The following RANBP17 variants were observed in gnomAD, a reference collection of about 807,000 sequenced individuals.
The protein encoded by RANBP17 is RAN binding protein 17.
In RANBP17, 158 loss-of-function variants were observed where a neutral mutation model predicts 141.2. That is an observed-to-expected ratio of 1.12 (90% CI 0.98 to 1.28). The LOEUF is 1.28. Ranked by LOEUF, RANBP17 falls within the 50% of genes most tolerant of loss-of-function variation. The pLI is 0.00. For missense variants in RANBP17, 1,438 were observed against 1,290.7 expected (o/e 1.11, Z -1.75); for synonymous variants, 430 against 450.0 (o/e 0.96, Z 0.56).
intron 11 of RANBP17, among the ~76,000 whole-genome samples, chr5:170,922,929 C>G (rs1279757507): frequency 6.6e-6 from 1 of 152,184 alleles, no homozygotes; most frequent in African/African-American, 2.4e-5. Context: ...CAGACCAGAG[C>G]TGTTCCTATT....
chr5:171,181,646 A>ATGGT (rs959191961), intron 16 of RANBP17, among the ~76,000 whole-genome samples: 2 of 152,218 alleles, frequency 1.3e-5, no homozygotes, highest in African/African-American at 4.8e-5. Flanking sequence ...TGCAACTGGA[A>ATGGT]TGGTTGCTTT....
intron 25 of RANBP17, among the ~76,000 whole-genome samples, chr5:171,281,075 C>G (rs1767832171): frequency 6.6e-6 from 1 of 152,196 alleles, no homozygotes; most frequent in Admixed American, 6.5e-5. Context: ...AACTGAACCA[C>G]TCCCTCCTGT....
chr5:171,079,309 TG>T (rs1465489502), intron 14 of RANBP17, among the ~76,000 whole-genome samples: 1 of 152,202 alleles, frequency 6.6e-6, no homozygotes, highest in Admixed American at 6.5e-5. Flanking sequence ...ACAAATAAAA[TG>T]GTATCTTGAG....
chr5:171,277,637 G>GTATGTATATGTGTATATA (rs1554127913), intron 25 of RANBP17, among the ~76,000 whole-genome samples: 2 of 56,904 alleles, frequency 3.5e-5, no homozygotes, highest in Non-Finnish European at 6.7e-5. Flanking sequence ...ATATATGTAT[G>GTATGTATATGTGTATATA]TATATATATA....
intron 3 of RANBP17, among the ~76,000 whole-genome samples, chr5:170,883,037 G>C (rs1485303286): frequency 6.6e-6 from 1 of 152,072 alleles, no homozygotes; most frequent in Non-Finnish European, 1.5e-5. Context: ...AATTTGACTG[G>C]TCAAAATCTC....
chr5:171,085,053 A>G lies in RANBP17; in HGVS notation c.1711-85077A>G, dbSNP rs1475433571. Among the ~76,000 whole-genome samples the G allele has an allele frequency of 8.2e-3, 466 of 57,150 alleles. 10 individuals carry two copies. The highest frequency in any genetic ancestry group is 0.03 in the African/African-American group (441 of 14,730). 37.5% of individuals were successfully genotyped at this position (57,150 alleles called of 152,430 possible). A position where few individuals can be genotyped will look rare whatever the true frequency, so the allele number is the denominator to read the frequency against. ...GTCCTTGCCCATGCCTATGTCCTGA[A>G]TGGTAATGCCTAGGTTTTCTTCTAG... On this transcript the variant is annotated intron_variant, in intron 14 of 27. Coordinates refer to ENST00000523189, the MANE Select transcript of RANBP17 (RefSeq NM_022897.5).
At chr5:171,101,903 A>G (rs1246983736) in intron 14 of RANBP17, among the ~76,000 whole-genome samples, 1 of 152,198 alleles carries the variant, frequency 6.6e-6, no homozygotes. Flanking sequence ...CTTTTCTTGA[A>G]GAATGTTGAA....
At chr5:170,875,911 C>G (rs1768139926) in intron 1 of RANBP17, among the ~76,000 whole-genome samples, 1 of 152,188 alleles carries the variant, frequency 6.6e-6, no homozygotes, top group South Asian at 2.1e-4. Context: ...AGGCTGCTCA[C>G]CCTTGGATGA....
intron 14 of RANBP17, among the ~76,000 whole-genome samples, chr5:171,127,473 G>A (rs1756564004): frequency 6.6e-6 from 1 of 152,020 alleles, no homozygotes; most frequent in Non-Finnish European, 1.5e-5. Flanking sequence ...CATCTGACAA[G>A]TTACTTATAT....
At chr5:171,015,742 C>G (rs1370453900) in intron 14 of RANBP17, among the ~76,000 whole-genome samples, 4 of 152,038 alleles carry the variant, frequency 2.6e-5, no homozygotes, top group African/African-American at 4.8e-5. Context: ...TGCTTTTAAA[C>G]TTTATTATGC....
chr5:170,919,462 A>G lies in RANBP17; in HGVS notation c.1123A>G (p.Ser375Gly). ...SLQHWEFAPN[S>G]VHYLLTLWQR... ...GTAGCACTGGGAATTTGCTCCTAAC[A>G]GTGTTCATTATTTATTAACTCTGTG... The change falls in exon 11 of 28, where the codon AGT becomes GGT. Residue 375 changes from serine to glycine, a missense_variant. Transcript: ENST00000523189. 1 of 1,598,222 alleles carries G rather than the reference A, an allele frequency of 6.3e-7. No homozygotes were observed. Among genetic ancestry groups the G allele is most frequent in the South Asian group, 1.1e-5 (1 of 87,528 alleles).
At chr5:171,245,713 G>A (rs1222948549) in intron 24 of RANBP17, among the ~76,000 whole-genome samples, 1 of 152,062 alleles carries the variant, frequency 6.6e-6, no homozygotes, top group Non-Finnish European at 1.5e-5. Context: ...TCTTATTTTG[G>A]AGTAACTGGG....
rs1001710380 is a variant in RANBP17 at position 171,089,279 on chromosome 5, C to CG, written c.1711-80848dup. ...TCCCAGTTAGGCTGCTCGGGGGTCA[C>CG]GGGTCAGGGACCCACTTGAGGAGGC... On this transcript the variant is annotated intron_variant, in intron 14 of 27. Coordinates refer to ENST00000523189, the MANE Select transcript of RANBP17 (RefSeq NM_022897.5). Among the ~76,000 whole-genome samples the CG allele has an allele frequency of 3.6e-5, 3 of 83,410 alleles. 1 individual carries two copies. Among genetic ancestry groups the CG allele is most frequent in the Non-Finnish European group, 5.8e-5 (2 of 34,198 alleles). 54.7% of individuals were successfully genotyped at this position (83,410 alleles called of 152,430 possible).
chr5:170,966,136 C>A (rs1373577695), intron 13 of RANBP17, among the ~76,000 whole-genome samples: 1 of 151,946 alleles, frequency 6.6e-6, no homozygotes, highest in Non-Finnish European at 1.5e-5. Context: ...TGGTACCATT[C>A]CTTCTGAAAC....
At chr5:170,967,561 T>C (rs947068074) in intron 13 of RANBP17, among the ~76,000 whole-genome samples, 1 of 151,464 alleles carries the variant, frequency 6.6e-6, no homozygotes, top group African/African-American at 2.4e-5. Flanking sequence ...TGAATTAAGC[T>C]TTTTCTGTAG....
intron 5 of RANBP17, chr5:170,903,498 G>A (rs371622909): frequency 2.3e-4 from 41 of 181,822 alleles, no homozygotes; most frequent in African/African-American, 8.8e-4. Context: ...GAACGCTTAC[G>A]TCTTGCTGGC....
intron 12 of RANBP17, among the ~76,000 whole-genome samples, chr5:170,942,416 T>C (rs1561914344): frequency 2.0e-5 from 3 of 152,128 alleles, no homozygotes; most frequent in Admixed American, 6.6e-5. Flanking sequence ...TATACAATAT[T>C]ATATAAAAAA....
Position 171,060,481 on chromosome 5 carries a change from A to G in RANBP17, c.1710+92104A>G, listed in dbSNP as rs1240446944. On this transcript the variant is annotated intron_variant, in intron 14 of 27. Coordinates refer to ENST00000523189, the MANE Select transcript of RANBP17 (RefSeq NM_022897.5). ...GGATTACATTTATTGATTTGCATAT[A>G]TTGAACCAGCCTTGCATCCCAGGGA... Among the ~76,000 whole-genome samples, 157 of 151,960 alleles carry G rather than the reference A, an allele frequency of 1.0e-3. 1 individual carries two copies. Among genetic ancestry groups the G allele is most frequent in the African/African-American group, 3.6e-3 (151 of 41,516 alleles).
chr5:171,061,796 C>T (rs866631856), intron 14 of RANBP17, among the ~76,000 whole-genome samples: 46 of 152,260 alleles, frequency 3.0e-4, no homozygotes, highest in African/African-American at 1.1e-3. Context: ...GTGTGGGAGT[C>T]TAAGTCTCTT....
Sources: gnomAD v4.1 joint callset for allele counts (sites outside exome capture counted in the v4.1 genomes callset) on GRCh38, gnomAD v4.1.1 for gene constraint, MANE v1.5 for transcripts, NCBI Gene and HGNC (gene_info 2026-07-23, HGNC 2026-07-21) for gene names.